Variants in NIPA1 observed in about 807,000 individuals in gnomAD.
NIPA1 encodes the protein NIPA magnesium transporter 1, also known as magnesium transporter NIPA1.
In NIPA1, 13 loss-of-function variants were observed where a neutral mutation model predicts 23.9. That is an observed-to-expected ratio of 0.54 (90% CI 0.35 to 0.87). The LOEUF is 0.87. Ranked by LOEUF, NIPA1 falls within the 40% of genes least tolerant of loss-of-function variation. The pLI is 0.01. For missense variants in NIPA1, 362 were observed against 429.7 expected, an observed-to-expected ratio of 0.84 and a Z score of 1.39; for synonymous variants, 234 against 202.9, an observed-to-expected ratio of 1.15 and a Z score of -1.30.
At position 22,808,864 on chromosome 15, in the gene NIPA1, C is replaced by G. The variant is rs548888153; in HGVS notation, c.179-1885C>G. On this transcript the variant is annotated intron_variant, in intron 1 of 4. Transcript: ENST00000337435. Reference sequence around the variant, plus strand: ...TTTAAATTTTTTGTAGAGATAGAGTCTTGCTATGTTGCCCAGGCTGACCTT... The same window carrying G: ...TTTAAATTTTTTGTAGAGATAGAGTGTTGCTATGTTGCCCAGGCTGACCTT... Among the ~76,000 whole-genome samples, 130 of 151,992 alleles carry G rather than the reference C, an allele frequency of 8.6e-4. 1 individual carries two copies. The South Asian group carries it at 8.9e-3, about 10-fold the overall frequency.
In NIPA1 at chr15:22,788,498, C is replaced by CAAAAAAAAA. The variant is rs905296655; in HGVS notation, c.178+1673_178+1681dup. Reference sequence around the variant, plus strand: ...TGGGCGGCAGAGCAAGACTCCATCTCAAAAAAAAAAAAAAAAATCTTGCAG... The same window carrying CAAAAAAAAA: ...TGGGCGGCAGAGCAAGACTCCATCTCAAAAAAAAAAAAAAAAAAAAAAAAAATCTTGCAG... On this transcript the variant is annotated intron_variant, in intron 1 of 4. Coordinates refer to ENST00000337435, the MANE Select transcript of NIPA1 (RefSeq NM_144599.5). 3.7e-4 allele frequency among the ~76,000 whole-genome samples: 33 copies of CAAAAAAAAA among 89,578 alleles called. 1 individual carries two copies. Among genetic ancestry groups the CAAAAAAAAA allele is most frequent in the African/African-American group, 9.3e-4 (24 of 25,798 alleles). The allele number at this position is 89,578 out of a possible 152,430, so 58.8% of individuals were successfully genotyped here.
At position 22,824,620 on chromosome 15, in the gene NIPA1, T is replaced by C. The variant is rs1282529472; in HGVS notation, c.*381T>C. The C allele has an allele frequency of 1.0e-5, 3 of 286,980 alleles. No individual in the cohort carries two copies. In the South Asian group the frequency reaches 1.1e-4, roughly 11 times the overall value. The allele number at this position is 286,980 out of a possible 1,614,324, so 17.8% of individuals were successfully genotyped here. ...CAGAGATATTTTTACTTAGATTACTTTGGGAATGAGAGATTGTTGTCTTGA... is the reference window on the plus strand; with the variant it reads ...CAGAGATATTTTTACTTAGATTACTCTGGGAATGAGAGATTGTTGTCTTGA... On this transcript the variant is annotated 3_prime_UTR_variant, in exon 5 of 5. Coordinates refer to ENST00000337435, the MANE Select transcript of NIPA1 (RefSeq NM_144599.5). The surrounding 1 kb of genome is among the most constrained non-coding windows in gnomAD (Gnocchi z 4.1).
intron 1 of NIPA1, among the ~76,000 whole-genome samples, chr15:22,788,562 A>C (rs916397056): frequency 8.6e-5 from 13 of 151,946 alleles, no homozygotes; most frequent in African/African-American, 3.1e-4. Flanking sequence ...ATGGAATCTG[A>C]AAGCACGTCA....
In NIPA1 at chr15:22,824,246, A is replaced by G; in HGVS notation, c.*7A>G. ...TAATATGAAAACAGACTAGATTGCA[A>G]TAGGAGCTTGGATGGTTCGAGGAAT... On this transcript the variant is annotated 3_prime_UTR_variant, in exon 5 of 5. Transcript: ENST00000337435. This position sits in a 1 kb window ranked among gnomAD's most constrained non-coding sequence, Gnocchi z 4.1. 4 of 1,611,590 alleles carry G rather than the reference A, an allele frequency of 2.5e-6. No homozygotes were observed. Among genetic ancestry groups the G allele is most frequent in the South Asian group, 1.1e-5 (1 of 91,012 alleles).
At chr15:22,808,439 G>A (rs1033009163) in intron 1 of NIPA1, among the ~76,000 whole-genome samples, 2 of 152,164 alleles carry the variant, frequency 1.3e-5, no homozygotes, top group Non-Finnish European at 2.9e-5. Flanking sequence ...GAGGTAGGGC[G>A]TGGCTCAGGG....
chr15:22,812,027 AC>A, intron 2 of NIPA1, 135 bp from the exon 3 acceptor site: 1 of 728,556 alleles, frequency 1.4e-6, no homozygotes, highest in Middle Eastern at 2.8e-4. Context: ...TGCAGATGAC[AC>A]CCCAGATGTG....
At position 22,824,086 on chromosome 15, in the gene NIPA1, C is replaced by A. The variant is rs376319442; in HGVS notation, c.837C>A (p.Leu279=). The A allele has an allele frequency of 3.7e-5, 60 of 1,614,058 alleles. No individual in the cohort carries two copies. Among genetic ancestry groups the A allele is most frequent in the Non-Finnish European group, 4.7e-5 (55 of 1,180,020 alleles). Residue 279 remains leucine, a synonymous_variant, in exon 5 of 5, where the codon CTC becomes CTA. Transcript: ENST00000337435. The surrounding 1 kb of genome is among the most constrained non-coding windows in gnomAD (Gnocchi z 4.1). ...TGGTCCTGCTGGCCTCAGCCATCCT[C>A]TTCCGGGAGTGGAGCAACGTGGGCC... ...TTLVLLASAI[L]FREWSNVGLV...
intron 1 of NIPA1, among the ~76,000 whole-genome samples, chr15:22,793,106 T>G (rs1266610892): frequency 6.6e-6 from 1 of 151,488 alleles, no homozygotes; most frequent in Non-Finnish European, 1.5e-5. Context: ...TCACAGCACT[T>G]TGGGACACCA....
At chr15:22,820,616 C>G (rs1895518275) in intron 4 of NIPA1, 143 bp downstream of exon 4, 1 of 772,592 alleles carries the variant, frequency 1.3e-6, no homozygotes, top group East Asian at 2.4e-5. Flanking sequence ...TCTGTGTTCT[C>G]TGGGAACGTG....
Position 22,799,746 on chromosome 15 carries a change from C to T in NIPA1, c.179-11003C>T, listed in dbSNP as rs554988775. Among the ~76,000 whole-genome samples, 294 of 150,358 alleles carry T rather than the reference C, an allele frequency of 2.0e-3. 2 individuals carry two copies. Among genetic ancestry groups the T allele is most frequent in the African/African-American group, 7.1e-3 (288 of 40,782 alleles). On this transcript the variant is annotated intron_variant, in intron 1 of 4. Coordinates refer to ENST00000337435, the MANE Select transcript of NIPA1 (RefSeq NM_144599.5). Reference sequence around the variant, plus strand: ...GCAGTGAGCCGAGATCGCACCATTGCACTCCAGCCTGGGCGACAGAGCAAG... The same window carrying T: ...GCAGTGAGCCGAGATCGCACCATTGTACTCCAGCCTGGGCGACAGAGCAAG...
At position 22,808,352 on chromosome 15, in the gene NIPA1, A is replaced by G. The variant is rs535808939; in HGVS notation, c.179-2397A>G. 2.6e-5 allele frequency among the ~76,000 whole-genome samples: 4 copies of G among 152,266 alleles called. No individual in the cohort carries two copies. In the South Asian group the frequency reaches 8.3e-4, roughly 32 times the overall value. ...ATAGGACACCCTGGGTCCTGTTTGT[A>G]TTAGATACACTGAGAGGGACACCAG... On this transcript the variant is annotated intron_variant, in intron 1 of 4. Transcript: ENST00000337435.
intron 1 of NIPA1, among the ~76,000 whole-genome samples, chr15:22,793,323 C>A (rs1424286476): frequency 1.4e-5 from 2 of 138,562 alleles, no homozygotes; most frequent in Admixed American, 1.5e-4. Flanking sequence ...CACTCCACTT[C>A]ACGCCAGCCA....
intron 1 of NIPA1, among the ~76,000 whole-genome samples, chr15:22,791,303 C>T (rs1055834979): frequency 3.9e-5 from 6 of 151,956 alleles, no homozygotes; most frequent in African/African-American, 9.7e-5. Context: ...AGTCAAAAAC[C>T]GCATGTTCTC....
At chr15:22,797,057 TTAGA>T (rs1894953106) in intron 1 of NIPA1, among the ~76,000 whole-genome samples, 1 of 151,812 alleles carries the variant, frequency 6.6e-6, no homozygotes, top group Admixed American at 6.6e-5. Flanking sequence ...TTTTTTTTTT[TTAGA>T]TAAAGTCTCG....
intron 1 of NIPA1, among the ~76,000 whole-genome samples, chr15:22,792,076 G>A (rs529330167): frequency 1.3e-5 from 2 of 152,362 alleles, no homozygotes; most frequent in Admixed American, 1.3e-4. Context: ...CAGGCAGGGA[G>A]GCAGGTGGGT....
chr15:22,809,693 C>T (rs1360561765), intron 1 of NIPA1, among the ~76,000 whole-genome samples: 1 of 150,028 alleles, frequency 6.7e-6, no homozygotes, highest in East Asian at 2.0e-4. Flanking sequence ...TTCAGTGAGT[C>T]AACATCGCAC....
chr15:22,789,916 T>C (rs1894793702), intron 1 of NIPA1, among the ~76,000 whole-genome samples: 1 of 151,990 alleles, frequency 6.6e-6, no homozygotes, highest in Non-Finnish European at 1.5e-5. Context: ...TGTCTTAGGC[T>C]CCTGAGTAGC....
In NIPA1 at chr15:22,818,453, A is replaced by G. The variant is rs928023020; in HGVS notation, c.318-1860A>G. On this transcript the variant is annotated intron_variant, in intron 3 of 4. Transcript: ENST00000337435. Reference sequence around the variant, plus strand: ...CTCTGTCTCAACAAAAGAAAACGAAACAGAAACTCTTACAGTGCATCAGTA... The same window carrying G: ...CTCTGTCTCAACAAAAGAAAACGAAGCAGAAACTCTTACAGTGCATCAGTA... Among the ~76,000 whole-genome samples the G allele has an allele frequency of 2.0e-5, 3 of 151,756 alleles. No homozygotes were observed. In the South Asian group the frequency reaches 6.2e-4, roughly 32 times the overall value.
intron 1 of NIPA1, among the ~76,000 whole-genome samples, chr15:22,797,218 T>G (rs983647054): frequency 5.4e-5 from 1 of 18,362 alleles, no homozygotes; most frequent in Non-Finnish European, 8.4e-5. Flanking sequence ...ATATTTGGGT[T>G]TTTTTTTTTT....
Sources: gnomAD v4.1 joint callset for allele counts (sites outside exome capture counted in the v4.1 genomes callset) on GRCh38, gnomAD v4.1.1 for gene constraint, Gnocchi (gnomAD v3.1) non-coding constraint, MANE v1.5 for transcripts, NCBI Gene and HGNC (gene_info 2026-07-23, HGNC 2026-07-21) for gene names.